Variants in UBAP2 observed in about 807,000 individuals in gnomAD.
UBAP2 encodes the protein ubiquitin associated protein 2.
Under a neutral mutation model 139.6 loss-of-function variants are expected in UBAP2, and 75 were observed. The observed-to-expected ratio is 0.54, with a 90% CI of 0.45 to 0.65. The LOEUF (loss-of-function observed/expected upper bound fraction) is 0.65. UBAP2 is among the 30% of genes least tolerant of loss of function. The pLI, the probability that UBAP2 is intolerant of heterozygous loss-of-function variation, is 0.00. For synonymous variants in UBAP2, 526 were observed against 526.2 expected (o/e 1.00, Z 0.01); for missense variants, 1,368 against 1,369.6 (o/e 1.00, Z 0.02).
At chr9:33,930,250 C>T (rs983128553) in intron 19 of UBAP2, among the ~76,000 whole-genome samples, 4 of 152,094 alleles carry the variant, frequency 2.6e-5, no homozygotes, top group Non-Finnish European at 5.9e-5. Context: ...AATCACTATG[C>T]GGGGCAATCT....
At position 33,955,841 on chromosome 9, in the gene UBAP2, A is replaced by T. The variant is rs571697785; in HGVS notation, c.866+238T>A. On this transcript the variant is annotated intron_variant, in intron 11 of 28. Transcript: ENST00000379238. ...AAACTACGTCTCAAAATAGAAAAAA[A>T]AAAAAAAAAAGTTTAACATGATGTC... Among the ~76,000 whole-genome samples the T allele has an allele frequency of 3.4e-3, 521 of 152,166 alleles. 4 individuals are homozygous for T. The highest frequency in any genetic ancestry group is 0.012 in the African/African-American group (505 of 41,506).
intron 2 of UBAP2, among the ~76,000 whole-genome samples, chr9:34,002,050 A>G (rs1385805924): frequency 6.6e-6 from 1 of 151,406 alleles, no homozygotes; most frequent in East Asian, 1.9e-4. Context: ...TCGACCTCCC[A>G]GGCTCAAGCA....
At chr9:34,030,430 C>G (rs1182160615) in intron 1 of UBAP2, among the ~76,000 whole-genome samples, 2 of 151,964 alleles carry the variant, frequency 1.3e-5, no homozygotes, top group Non-Finnish European at 2.9e-5. Flanking sequence ...GCCTGGGCGA[C>G]AGAGCCAGAT....
chr9:33,973,411 C>T (rs564518425), intron 6 of UBAP2, among the ~76,000 whole-genome samples, 174 bp from the exon 7 acceptor site: 74 of 152,288 alleles, frequency 4.9e-4, no homozygotes, highest in Admixed American at 1.9e-3. Context: ...ACTACCTATA[C>T]CCAGTTAGTG....
chr9:33,962,551 C>G (rs1031935626), intron 9 of UBAP2, among the ~76,000 whole-genome samples: 5 of 151,960 alleles, frequency 3.3e-5, no homozygotes, highest in Admixed American at 6.6e-5. Flanking sequence ...GAGGCTGAGG[C>G]AGGAGAATCG....
intron 1 of UBAP2, among the ~76,000 whole-genome samples, chr9:34,020,897 C>T (rs1465728734): frequency 6.7e-6 from 1 of 150,328 alleles, no homozygotes; most frequent in East Asian, 2.0e-4. Context: ...CTCCTGACCT[C>T]GTGATCCACC....
At chr9:33,924,107 A>G in intron 23 of UBAP2, 99 bp downstream of exon 23, 3 of 1,578,140 alleles carry the variant, frequency 1.9e-6, no homozygotes, top group Admixed American at 3.3e-5. Flanking sequence ...AGCACAGGCT[A>G]CTAAGAGGCC....
chr9:34,026,926 A>G (rs767470144), intron 1 of UBAP2, among the ~76,000 whole-genome samples: 6 of 152,158 alleles, frequency 3.9e-5, no homozygotes, highest in African/African-American at 7.2e-5. Flanking sequence ...ATACAACAGC[A>G]TAACTATTGT....
chr9:33,976,516 C>T (rs1330442312), intron 6 of UBAP2, among the ~76,000 whole-genome samples: 1 of 152,104 alleles, frequency 6.6e-6, no homozygotes, highest in Non-Finnish European at 1.5e-5. Flanking sequence ...ATTACTGGTG[C>T]TCAGGGTTGA....
chr9:33,959,702 G>A (rs1368203447), intron 10 of UBAP2, among the ~76,000 whole-genome samples: 1 of 152,094 alleles, frequency 6.6e-6, no homozygotes, highest in Admixed American at 6.5e-5. Flanking sequence ...TGCAATAAAG[G>A]AATTTTTTTT....
intron 12 of UBAP2, among the ~76,000 whole-genome samples, chr9:33,951,886 G>A (rs10971817): frequency 0.079 from 12,015 of 152,070 alleles, 677 homozygotes; most frequent in Non-Finnish European, 0.12. Context: ...GGCGGAGGAG[G>A]AAAAGACTCT....
In UBAP2 at chr9:33,948,415, A is replaced by G. The variant is rs1253970032; in HGVS notation, c.1229T>C (p.Leu410Pro). 8 of 1,613,498 alleles carry G rather than the reference A, an allele frequency of 5.0e-6. No individual in the cohort carries two copies. Among genetic ancestry groups the G allele is most frequent in the Non-Finnish European group, 6.8e-6 (8 of 1,179,626 alleles). ...SHPTTTTSWDLKPPTSQSSVL... is the reference protein window; with the variant it reads ...SHPTTTTSWDPKPPTSQSSVL... ...TGAGGACTGGGATGTTGGGGGCTTGAGGTCCCAAGAAGTAGTAGTTGTAGG... is the reference window on the plus strand; with the variant it reads ...TGAGGACTGGGATGTTGGGGGCTTGGGGTCCCAAGAAGTAGTAGTTGTAGG... Residue 410 changes from leucine (L) to proline (P), a missense_variant, in exon 13 of 29, where the codon CTC becomes CCC. Coordinates refer to ENST00000379238, the MANE Select transcript of UBAP2 (RefSeq NM_001370062.2).
intron 12 of UBAP2, 106 bp from the exon 13 acceptor site, chr9:33,948,693 A>G (rs1825849280): frequency 1.2e-6 from 1 of 863,872 alleles, no homozygotes. Context: ...CCTATAATCT[A>G]AAACATATGA....
intron 8 of UBAP2, among the ~76,000 whole-genome samples, chr9:33,969,716 G>A (rs984825206): frequency 1.3e-5 from 2 of 149,084 alleles, no homozygotes; most frequent in Non-Finnish European, 3.0e-5. Flanking sequence ...ATACGAAAAA[G>A]TTAGCCAGGC....
At chr9:33,995,525 A>G (rs1219104775) in intron 4 of UBAP2, 1 of 85,970 alleles carries the variant, frequency 1.2e-5, no homozygotes, top group Non-Finnish European at 2.4e-5. Flanking sequence ...AAATATATAA[A>G]TATATTTATA....
At chr9:34,020,586 A>C (rs1824853190) in intron 1 of UBAP2, among the ~76,000 whole-genome samples, 1 of 151,982 alleles carries the variant, frequency 6.6e-6, no homozygotes, top group African/African-American at 2.4e-5. Flanking sequence ...TTGGCCTCCC[A>C]AAGTGCTGAG....
chr9:34,008,199 T>C (rs778781030), intron 2 of UBAP2, among the ~76,000 whole-genome samples: 1 of 151,752 alleles, frequency 6.6e-6, no homozygotes, highest in Non-Finnish European at 1.5e-5. Context: ...ATGCCTGTAA[T>C]CCCAGTTACT....
At chr9:33,962,979 C>CA (rs1214955299) in intron 9 of UBAP2, among the ~76,000 whole-genome samples, 1 of 150,000 alleles carries the variant, frequency 6.7e-6, no homozygotes, top group African/African-American at 2.4e-5. Flanking sequence ...AACTCCATCT[C>CA]AAAAAAAATA....
At chr9:34,044,135 C>T (rs1032641277) in intron 1 of UBAP2, among the ~76,000 whole-genome samples, 32 of 150,358 alleles carry the variant, frequency 2.1e-4, no homozygotes, top group African/African-American at 7.6e-4. Flanking sequence ...CGGTGACTCA[C>T]GCCTGTAATC....
Sources: allele counts gnomAD v4.1 joint callset (sites outside exome capture counted in the v4.1 genomes callset), GRCh38; gene constraint gnomAD v4.1.1; transcripts MANE v1.5; gene names NCBI Gene and HGNC (gene_info 2026-07-23, HGNC 2026-07-21).